Variants in GRXCR2 observed in about 807,000 individuals in gnomAD.
GRXCR2 encodes the protein glutaredoxin domain-containing cysteine-rich protein 2.
Under a neutral mutation model 24.8 loss-of-function variants are expected in GRXCR2, and 23 were observed. That is an observed-to-expected ratio of 0.93 (90% CI 0.67 to 1.32). The LOEUF is 1.32. Among genes scored for constraint, GRXCR2 ranks in the 40% most tolerant of loss-of-function variants. GRXCR2 has a pLI of 0.00. For synonymous variants in GRXCR2, 130 were observed against 116.1 expected (o/e 1.12, Z -0.77); for missense variants, 315 against 303.4 (o/e 1.04, Z -0.28).
At chr5:145,903,030 A>G (rs990386338) in intron 2 of GRXCR2, among the ~76,000 whole-genome samples, 1 of 152,158 alleles carries the variant, frequency 6.6e-6, no homozygotes, top group African/African-American at 2.4e-5. Context: ...ACATATCCCT[A>G]TGATTTTTTG....
chr5:145,884,787 G>A (rs919324695), intron 2 of GRXCR2, among the ~76,000 whole-genome samples: 3 of 152,112 alleles, frequency 2.0e-5, no homozygotes, highest in African/African-American at 7.2e-5. Flanking sequence ...AATATTCACA[G>A]ACACCTAGGT....
intron 2 of GRXCR2, among the ~76,000 whole-genome samples, chr5:145,931,413 T>C (rs529884316): frequency 2.0e-5 from 3 of 152,332 alleles, no homozygotes; most frequent in South Asian, 4.1e-4. Context: ...AAATGTATAA[T>C]GCCTCTTTGT....
chr5:145,928,488 G>T (rs1473758040), intron 2 of GRXCR2, among the ~76,000 whole-genome samples: 1 of 152,122 alleles, frequency 6.6e-6, no homozygotes, highest in Non-Finnish European at 1.5e-5. Flanking sequence ...CAATAGCAAA[G>T]ACTTGGAACC....
In GRXCR2 at chr5:145,931,666, T is replaced by A. The variant is rs576673614; in HGVS notation, c.-70+4035A>T. Among the ~76,000 whole-genome samples the A allele has an allele frequency of 3.0e-4, 46 of 152,366 alleles. 1 individual carries two copies. The highest frequency in any genetic ancestry group is 3.5e-4 in the Non-Finnish European group (24 of 68,042). ...CCTCCTCTTGAATTGTCCCAAAGGT[T>A]TCTCAGTATCACTAGAAAAATCAAA... is the stretch of plus-strand genomic sequence containing the variant. On this transcript the variant is annotated intron_variant, in intron 2 of 3. Coordinates refer to the GRXCR2 transcript ENST00000639411.
chr5:145,878,070 A>G (rs1248822332), intron 2 of GRXCR2, among the ~76,000 whole-genome samples: 2 of 152,262 alleles, frequency 1.3e-5, no homozygotes, highest in Non-Finnish European at 2.9e-5. Context: ...AAAGGTAGAT[A>G]AAACCACAAA....
chr5:145,914,032 C>G (rs924950449), intron 2 of GRXCR2, among the ~76,000 whole-genome samples: 4 of 152,142 alleles, frequency 2.6e-5, no homozygotes, highest in African/African-American at 9.7e-5. Flanking sequence ...GCTGGTGGAG[C>G]TGGTGAGTAA....
intron 2 of GRXCR2, among the ~76,000 whole-genome samples, chr5:145,906,977 TTGTGGAGAGGAAA>T (rs1429119377): frequency 6.6e-6 from 1 of 152,136 alleles, no homozygotes; most frequent in Non-Finnish European, 1.5e-5. Context: ...GGGGTCAGCC[TTGTGGAGAGGAAA>T]AGCTTTCCAG....
At chr5:145,924,900 C>A (rs1234991078) in intron 2 of GRXCR2, among the ~76,000 whole-genome samples, 1 of 152,156 alleles carries the variant, frequency 6.6e-6, no homozygotes, top group Admixed American at 6.5e-5. Context: ...AGTTGACAGT[C>A]ATGAAATGGC....
intron 2 of GRXCR2, among the ~76,000 whole-genome samples, chr5:145,892,020 C>A (rs563166239): frequency 6.6e-6 from 1 of 152,248 alleles, no homozygotes; most frequent in South Asian, 2.1e-4. Flanking sequence ...CCCAGGCAAA[C>A]AGGGTCTGGA....
At chr5:145,914,096 T>G (rs576055580) in intron 2 of GRXCR2, among the ~76,000 whole-genome samples, 2 of 151,928 alleles carry the variant, frequency 1.3e-5, no homozygotes, top group Non-Finnish European at 2.9e-5. Flanking sequence ...AACTAAGGAG[T>G]GCTGCACAGG....
chr5:145,884,381 T>G (rs535455947), intron 2 of GRXCR2, among the ~76,000 whole-genome samples: 4 of 152,224 alleles, frequency 2.6e-5, no homozygotes, highest in Admixed American at 1.3e-4. Flanking sequence ...TCAACCTAGA[T>G]TTCTTCCTGG....
chr5:145,920,304 T>G (rs1212186705), intron 2 of GRXCR2, among the ~76,000 whole-genome samples: 1 of 152,168 alleles, frequency 6.6e-6, no homozygotes, highest in Non-Finnish European at 1.5e-5. Flanking sequence ...TAGTTAGAGA[T>G]GCATAGGCCC....
intron 2 of GRXCR2, among the ~76,000 whole-genome samples, chr5:145,914,081 G>A (rs1757200905): frequency 6.6e-6 from 1 of 152,146 alleles, no homozygotes; most frequent in African/African-American, 2.4e-5. Flanking sequence ...TAAGATGAGC[G>A]CAGCAACTAA....
upstream of GRXCR2, among the ~76,000 whole-genome samples, chr5:145,877,538 A>G (rs753905377): frequency 2.0e-5 from 3 of 152,242 alleles, no homozygotes; most frequent in Non-Finnish European, 2.9e-5. Context: ...GATATAACAG[A>G]TTTTATGTTC....
chr5:145,863,310 G>A (rs1045386601), intron 2 of GRXCR2, among the ~76,000 whole-genome samples: 2 of 152,164 alleles, frequency 1.3e-5, no homozygotes, highest in African/African-American at 4.8e-5. Flanking sequence ...GAGGGATTGG[G>A]CAAACAAATA....
At chr5:145,918,509 C>T (rs544620698) in intron 2 of GRXCR2, among the ~76,000 whole-genome samples, 1 of 152,174 alleles carries the variant, frequency 6.6e-6, no homozygotes, top group Admixed American at 6.5e-5. Flanking sequence ...TCACAACCTT[C>T]GATACTCACA....
chr5:145,931,371 A>G (rs1332589670), intron 2 of GRXCR2, among the ~76,000 whole-genome samples: 1 of 152,086 alleles, frequency 6.6e-6, no homozygotes, highest in Non-Finnish European at 1.5e-5. Context: ...ACTGTTTCCT[A>G]TTAAATTTAA....
intron 2 of GRXCR2, among the ~76,000 whole-genome samples, chr5:145,929,199 C>CTATATAGATA (rs1757445990): frequency 8.6e-6 from 1 of 116,508 alleles, no homozygotes; most frequent in African/African-American, 3.2e-5. Flanking sequence ...ATATTCCCCC[C>CTATATAGATA]TATATATATA....
chr5:145,897,238 T>A (rs1756963811), intron 2 of GRXCR2, among the ~76,000 whole-genome samples: 1 of 127,264 alleles, frequency 7.9e-6, no homozygotes, highest in Admixed American at 8.8e-5. Flanking sequence ...GTAACAAACC[T>A]GTTGTTTGTT....
Sources: allele counts gnomAD v4.1 joint callset (sites outside exome capture counted in the v4.1 genomes callset), GRCh38; gene constraint gnomAD v4.1.1; transcripts MANE v1.5; gene names NCBI Gene and HGNC (gene_info 2026-07-23, HGNC 2026-07-21).